The following AFG2A variants were observed in gnomAD, a reference collection of about 807,000 sequenced individuals.
AFG2A encodes ATPase family gene 2 protein homolog A.
At chr4:123,180,123 G>C in the AFG2A span, among the ~76,000 whole-genome samples, 3 of 152,106 alleles carry the variant, frequency 2.0e-5, no homozygotes, top group East Asian at 3.8e-4. Flanking sequence ...GGCAGAGTGA[G>C]GCACGAGAAT....
the AFG2A span, among the ~76,000 whole-genome samples, chr4:123,007,422 T>G: frequency 6.6e-6 from 1 of 151,634 alleles, no homozygotes; most frequent in Non-Finnish European, 1.5e-5. Context: ...GGCAGCCACT[T>G]TTCCGTCACA....
the AFG2A span, chr4:123,028,427 C>T: frequency 3.8e-6 from 6 of 1,583,844 alleles, no homozygotes; most frequent in Non-Finnish European, 5.2e-6. Context: ...TCGCTACTCT[C>T]TCTTGGCCTC....
chr4:123,221,552 A>G, the AFG2A span, among the ~76,000 whole-genome samples: 2 of 152,198 alleles, frequency 1.3e-5, no homozygotes, highest in African/African-American at 4.8e-5. Context: ...TTTTTAAATG[A>G]TGATATTCTG....
the AFG2A span, chr4:122,927,796 A>G: frequency 1.1e-5 from 18 of 1,604,598 alleles, no homozygotes; most frequent in Non-Finnish European, 1.7e-6. Flanking sequence ...TAGAAATACA[A>G]ACTGAACATT....
chr4:123,196,169 T>TTTC, the AFG2A span, among the ~76,000 whole-genome samples: 1 of 131,756 alleles, frequency 7.6e-6, no homozygotes, highest in African/African-American at 2.6e-5. Context: ...CCCAGCTAAT[T>TTTC]TTTTTTTTTT....
the AFG2A span, chr4:123,314,132 T>C: frequency 7.2e-7 from 1 of 1,391,024 alleles, no homozygotes; most frequent in Non-Finnish European, 9.4e-7. Context: ...TAAAATTTTT[T>C]GAGAGTGTTA....
the AFG2A span, among the ~76,000 whole-genome samples, chr4:123,278,195 T>G: frequency 6.6e-6 from 1 of 152,184 alleles, no homozygotes; most frequent in East Asian, 1.9e-4. Flanking sequence ...CTTGGGAGGT[T>G]GTATTTGTCC....
the AFG2A span, among the ~76,000 whole-genome samples, chr4:123,263,987 A>G: frequency 1.3e-5 from 2 of 152,356 alleles, no homozygotes; most frequent in East Asian, 1.9e-4. Context: ...AAGTGGATAC[A>G]GAAATTGTGG....
chr4:122,933,987 C>G, the AFG2A span: 1 of 1,220,300 alleles, frequency 8.2e-7, no homozygotes, highest in Non-Finnish European at 1.1e-6. Context: ...TATTAATACT[C>G]TGTCTTTGAT....
the AFG2A span, among the ~76,000 whole-genome samples, chr4:123,122,449 A>C: frequency 6.6e-6 from 1 of 152,208 alleles, no homozygotes; most frequent in African/African-American, 2.4e-5. Context: ...AAACTATTGA[A>C]TATATTATGT....
the AFG2A span, among the ~76,000 whole-genome samples, chr4:122,926,457 A>G: frequency 1.3e-5 from 2 of 152,226 alleles, no homozygotes; most frequent in Non-Finnish European, 2.9e-5. Flanking sequence ...TTCGTTTTAT[A>G]CTCAGTGCTG....
the AFG2A span, among the ~76,000 whole-genome samples, chr4:123,175,110 CTTAAACCCTACTGCAAAAGCACAAACT>C: frequency 1.3e-5 from 2 of 152,074 alleles, no homozygotes; most frequent in Admixed American, 6.6e-5. Context: ...GGAAGAACTT[CTTAAACCCTACTGCAAAAGCACAAACT>C]ATCAGGGATA....
the AFG2A span, among the ~76,000 whole-genome samples, chr4:123,029,037 C>G: frequency 1.3e-5 from 2 of 152,192 alleles, no homozygotes; most frequent in Non-Finnish European, 2.9e-5. Context: ...TTTCTGTGGA[C>G]TGTATCACAA....
At chr4:123,166,656 A>G in the AFG2A span, among the ~76,000 whole-genome samples, 1 of 152,194 alleles carries the variant, frequency 6.6e-6, no homozygotes, top group Non-Finnish European at 1.5e-5. Flanking sequence ...CTTAATTGCC[A>G]AGGAATAGTC....
chr4:123,280,204 A>C, the AFG2A span, among the ~76,000 whole-genome samples: 1 of 152,184 alleles, frequency 6.6e-6, no homozygotes, highest in Non-Finnish European at 1.5e-5. Context: ...GTAAAATGGC[A>C]ATAGTAATAC....
chr4:123,178,732 C>G, the AFG2A span, among the ~76,000 whole-genome samples: 1 of 152,138 alleles, frequency 6.6e-6, no homozygotes, highest in African/African-American at 2.4e-5. Flanking sequence ...TCCAAATTTA[C>G]ATTTTCCTAA....
At chr4:123,063,556 C>G in the AFG2A span, among the ~76,000 whole-genome samples, 28 of 152,062 alleles carry the variant, frequency 1.8e-4, no homozygotes, top group African/African-American at 6.3e-4. Context: ...ATCATCCTGG[C>G]TAAGATGGTG....
At chr4:123,306,835 C>A in the AFG2A span, among the ~76,000 whole-genome samples, 1 of 152,128 alleles carries the variant, frequency 6.6e-6, no homozygotes, top group Non-Finnish European at 1.5e-5. Context: ...TAGAGCTGGC[C>A]AAAACGTTTT....
At chr4:123,121,341 T>C in the AFG2A span, among the ~76,000 whole-genome samples, 7 of 152,084 alleles carry the variant, frequency 4.6e-5, no homozygotes, top group Non-Finnish European at 8.8e-5. Context: ...TAGCATAGTC[T>C]TATTGTACCG....
Sources: allele counts gnomAD v4.1 joint callset (sites outside exome capture counted in the v4.1 genomes callset), GRCh38; gene constraint gnomAD v4.1.1; transcripts MANE v1.5; gene names NCBI Gene and HGNC (gene_info 2026-07-23, HGNC 2026-07-21).